RADIL: variants seen among roughly 807,000 people sequenced by gnomAD.
RADIL encodes ras-associating and dilute domain-containing protein.
RADIL carries 99 observed loss-of-function variants against 97.6 expected under a neutral mutation model. The ratio of observed to expected loss-of-function variants is 1.01; its 90% CI spans 0.86 to 1.20. The LOEUF is 1.20. RADIL is among the 50% of genes most tolerant of loss of function. RADIL has a pLI of 0.00. For missense variants in RADIL, 1,765 were observed against 1,498.9 expected (o/e 1.18, Z -2.93); for synonymous variants, 803 against 691.8 (o/e 1.16, Z -2.52).
Position 4,815,843 on chromosome 7 carries a change from T to A in RADIL, c.1966+385A>T, listed in dbSNP as rs575701673. ...CCCTGCAGGTGATGGGGGAAGTCACTCCACAAGGCAGGGTCCAAGGCCAGA... is the reference window on the plus strand; with the variant it reads ...CCCTGCAGGTGATGGGGGAAGTCACACCACAAGGCAGGGTCCAAGGCCAGA... On this transcript the variant is annotated intron_variant, in intron 8 of 14. Coordinates refer to ENST00000399583, the MANE Select transcript of RADIL (RefSeq NM_018059.5). This position sits in a 1 kb window ranked among gnomAD's most constrained non-coding sequence, Gnocchi z 8.0. 1.3e-5 allele frequency among the ~76,000 whole-genome samples: 2 copies of A among 152,178 alleles called. No individual in the cohort carries two copies. The highest frequency in any genetic ancestry group is 2.1e-4 in the South Asian group (1 of 4,816).
intron 2 of RADIL, among the ~76,000 whole-genome samples, chr7:4,872,000 A>C (rs1784267410): frequency 6.6e-6 from 1 of 152,140 alleles, no homozygotes; most frequent in South Asian, 2.1e-4. Context: ...CATGAATGCC[A>C]AGACTCTGCA....
At chr7:4,857,005 T>G (rs979351600) in intron 2 of RADIL, among the ~76,000 whole-genome samples, 15 of 152,252 alleles carry the variant, frequency 9.9e-5, no homozygotes, top group African/African-American at 3.4e-4. Context: ...CACCAGCCAC[T>G]ACACCGGACT....
intron 2 of RADIL, chr7:4,859,657 G>A (rs753694218): frequency 4.1e-5 from 21 of 509,500 alleles, no homozygotes; most frequent in Non-Finnish European, 6.7e-5. Context: ...GGACCCTTGA[G>A]GTTGTTTTTA....
intron 12 of RADIL, 140 bp downstream of exon 12, chr7:4,801,513 C>G: frequency 1.1e-6 from 1 of 919,188 alleles, no homozygotes; most frequent in Admixed American, 2.8e-5. Context: ...CTCCATCTGG[C>G]CCCGTCTCAG....
rs1784523717 is a variant in RADIL, at chr7:4,883,329, G to C, written c.-65+267C>G. ...AGGAGCTCTCGGGGGTCGGCAGCGC[G>C]GACCCCCGGATCCCCGCAGGCTGGG... On this transcript the variant is annotated intron_variant, in intron 1 of 14. Transcript: ENST00000399583. The surrounding 1 kb of genome is among the most constrained non-coding windows in gnomAD (Gnocchi z 7.1). Among the ~76,000 whole-genome samples the C allele has an allele frequency of 6.6e-6, 1 of 151,968 alleles. No homozygotes were observed. The highest frequency in any genetic ancestry group is 2.4e-5 in the African/African-American group (1 of 41,406).
chr7:4,799,561 T>C, intron 14 of RADIL, 69 bp downstream of exon 14: 9 of 1,611,076 alleles, frequency 5.6e-6, no homozygotes, highest in Non-Finnish European at 7.6e-6. Context: ...GCCTCTCCTT[T>C]ACCCCAGGTC....
In RADIL at chr7:4,805,595, G is replaced by C. The variant is rs572051524; in HGVS notation, c.2261C>G (p.Ala754Gly). ...MGPMSTWEPG[A>G]QDSPEAFRSE... The stretch of plus-strand genomic sequence containing the variant: ...CCTGAAGGCCTCGGGGCTGTCCTGG[G>C]CCCCTGGCTCCCAGGTGCTCATGGG... Residue 754 changes from alanine (A) to glycine (G), a missense_variant, in exon 10 of 15, where the codon GCC becomes GGC. Transcript: ENST00000399583. The C allele has an allele frequency of 1.2e-6, 2 of 1,611,212 alleles. No individual in the cohort carries two copies. The highest frequency in any genetic ancestry group is 2.7e-5 in the African/African-American group (2 of 74,922).
In RADIL at chr7:4,805,073, G is replaced by GCA. The variant is rs1206998354; in HGVS notation, c.2290+492_2290+493insTG. ...TGCACCACTGCACTCCAGCCTGGAT[G>GCA]ACAGAGCAAGACTCTTGTCTCAAAA... On this transcript the variant is annotated intron_variant, in intron 10 of 14. Coordinates refer to ENST00000399583, the MANE Select transcript of RADIL (RefSeq NM_018059.5). 2.4e-4 allele frequency among the ~76,000 whole-genome samples: 37 copies of GCA among 152,206 alleles called. 1 individual carries two copies. The highest frequency in any genetic ancestry group is 8.4e-4 in the African/African-American group (35 of 41,492).
intron 2 of RADIL, among the ~76,000 whole-genome samples, chr7:4,852,877 C>T (rs976789448): frequency 2.6e-5 from 4 of 152,124 alleles, no homozygotes; most frequent in African/African-American, 9.7e-5. Flanking sequence ...GTGATTGTTA[C>T]CCTATGCCTG....
chr7:4,832,195 G>T lies in RADIL; in HGVS notation c.1417-17C>A. On this transcript the variant is annotated splice_polypyrimidine_tract_variant and intron_variant, in intron 4 of 14. Transcript: ENST00000399583. ...GGTTTTCTCCTACAATTACAAAGCG[G>T]GAGAAAAAGCAAGTGAGCAAAACAG... 6.2e-7 allele frequency: 1 copy of T among 1,609,298 alleles called. No individual in the cohort carries two copies. Among genetic ancestry groups the T allele is most frequent in the Non-Finnish European group, 8.5e-7 (1 of 1,177,494 alleles).
chr7:4,817,142 C>T lies in RADIL; in HGVS notation c.1728+97G>A. 9.4e-7 allele frequency: 1 copy of T among 1,064,746 alleles called. No individual in the cohort carries two copies. The highest frequency in any genetic ancestry group is 1.4e-6 in the Non-Finnish European group (1 of 725,084). The allele number at this position is 1,064,746 out of a possible 1,614,324, so 66.0% of individuals were successfully genotyped here. A position where few individuals can be genotyped will look rare whatever the true frequency, so the allele number is the denominator to read the frequency against. On this transcript the variant is annotated intron_variant, in intron 7 of 14. Coordinates refer to ENST00000399583, the MANE Select transcript of RADIL (RefSeq NM_018059.5). This position sits in a 1 kb window ranked among gnomAD's most constrained non-coding sequence, Gnocchi z 8.3. The stretch of plus-strand genomic sequence containing the variant: ...GCTTGTCACGGTCCCCTCCCTCAGC[C>T]CCCCAGAAGGCTCCTTAGGAGAGCC...
At chr7:4,843,171 C>T (rs1317023204) in intron 2 of RADIL, among the ~76,000 whole-genome samples, 3 of 151,576 alleles carry the variant, frequency 2.0e-5, no homozygotes, top group Admixed American at 6.6e-5. Flanking sequence ...CCCCGACCCC[C>T]GCCAGCTAAT....
chr7:4,862,659 G>A (rs1784043513), intron 2 of RADIL, among the ~76,000 whole-genome samples: 2 of 152,146 alleles, frequency 1.3e-5, no homozygotes, highest in African/African-American at 4.8e-5. Flanking sequence ...CCAGCACTAT[G>A]GGAGGCCGAG....
intron 5 of RADIL, among the ~76,000 whole-genome samples, chr7:4,828,477 A>AAT (rs1783056406): frequency 6.6e-6 from 1 of 152,244 alleles, no homozygotes; most frequent in East Asian, 1.9e-4. Flanking sequence ...AAAACCTAGG[A>AAT]ATGTAGCACT....
At chr7:4,865,703 T>C in intron 2 of RADIL, 1 of 1,008,446 alleles carries the variant, frequency 9.9e-7, no homozygotes, top group Non-Finnish European at 1.6e-6. Flanking sequence ...GCAGCATCTG[T>C]GATTCCATCT....
At position 4,802,852 on chromosome 7, in the gene RADIL, C is replaced by T. The variant is rs565463554; in HGVS notation, c.2499+694G>A. Among the ~76,000 whole-genome samples, 220 of 97,468 alleles carry T rather than the reference C, an allele frequency of 2.3e-3. 2 individuals carry two copies. The highest frequency in any genetic ancestry group is 5.4e-3 in the South Asian group (12 of 2,218). 63.9% of individuals were successfully genotyped at this position (97,468 alleles called of 152,430 possible). A position where few individuals can be genotyped will look rare whatever the true frequency, so the allele number is the denominator to read the frequency against. ...GGCACCTCGGGGAATGCTGGCTGGACCCCCTCCCCGGGCACCTCGGGGCAC... is the reference window on the plus strand; with the variant it reads ...GGCACCTCGGGGAATGCTGGCTGGATCCCCTCCCCGGGCACCTCGGGGCAC... On this transcript the variant is annotated intron_variant, in intron 11 of 14. Coordinates refer to ENST00000399583, the MANE Select transcript of RADIL (RefSeq NM_018059.5).
intron 5 of RADIL, among the ~76,000 whole-genome samples, chr7:4,826,287 A>G (rs1347541358): frequency 6.6e-6 from 1 of 152,170 alleles, no homozygotes; most frequent in Non-Finnish European, 1.5e-5. Context: ...AGCAAGCTGA[A>G]GCTGGAATAA....
chr7:4,845,545 G>A (rs1335050668), intron 2 of RADIL, among the ~76,000 whole-genome samples: 1 of 152,180 alleles, frequency 6.6e-6, no homozygotes, highest in East Asian at 1.9e-4. Context: ...GCACCAAAGC[G>A]TTGAAAATGA....
At position 4,867,320 on chromosome 7, in the gene RADIL, A is replaced by ACAAGCCCTCAACAGGTTCAT. The variant is rs1468111733; in HGVS notation, c.535+10265_535+10284dup. On this transcript the variant is annotated intron_variant, in intron 2 of 14. Transcript: ENST00000399583. The surrounding 1 kb of genome is among the most constrained non-coding windows in gnomAD (Gnocchi z 4.1). Reference sequence around the variant, plus strand: ...GGAAGAATGCCTCCGAGAACTCTGCACAAGCCCTCAACAGGTTCATTGTGT... The same window carrying ACAAGCCCTCAACAGGTTCAT: ...GGAAGAATGCCTCCGAGAACTCTGCACAAGCCCTCAACAGGTTCATCAAGCCCTCAACAGGTTCATTGTGT... Among the ~76,000 whole-genome samples, 1 of 152,222 alleles carries ACAAGCCCTCAACAGGTTCAT rather than the reference A, an allele frequency of 6.6e-6. No homozygotes were observed. The highest frequency in any genetic ancestry group is 1.9e-4 in the East Asian group (1 of 5,200).
Sources: allele counts gnomAD v4.1 joint callset (sites outside exome capture counted in the v4.1 genomes callset), GRCh38; gene constraint gnomAD v4.1.1; non-coding constraint Gnocchi (gnomAD v3.1); transcripts MANE v1.5; gene names NCBI Gene and HGNC (gene_info 2026-07-23, HGNC 2026-07-21).